Variants in DNMBP observed in about 807,000 individuals in gnomAD.
The protein encoded by DNMBP is dynamin-binding protein.
DNMBP carries 87 observed loss-of-function variants against 150.0 expected under a neutral mutation model. The observed-to-expected ratio is 0.58, with a 90% CI of 0.49 to 0.69. DNMBP has a LOEUF of 0.69. Among genes scored for constraint, DNMBP ranks in the 30% least tolerant of loss-of-function variants. DNMBP has a pLI of 0.00. For synonymous variants in DNMBP, 711 were observed against 750.4 expected (o/e 0.95, Z 0.86); for missense variants, 1,774 against 1,949.0 (o/e 0.91, Z 1.69).
intron 12 of DNMBP, 37 bp downstream of exon 12, chr10:99,888,788 G>C (rs1300568636): frequency 6.2e-7 from 1 of 1,612,336 alleles, no homozygotes; most frequent in Non-Finnish European, 8.5e-7. Context: ...AGATGACCCT[G>C]GGAAGGGGGC....
At chr10:100,001,413 G>GTTTTTTTTTTT (rs531398004) in intron 1 of DNMBP, among the ~76,000 whole-genome samples, 3 of 111,258 alleles carry the variant, frequency 2.7e-5, no homozygotes, top group African/African-American at 1.1e-4. Context: ...TGTTGTTGTT[G>GTTTTTTTTTTT]TTTTTTTTTT....
In DNMBP at chr10:99,880,216, G is replaced by A; in HGVS notation, c.4143C>T (p.Ser1381=). The stretch of plus-strand genomic sequence containing the variant: ...TGCTGCTGGGGTTGAAGGTCAGGGT[G>A]CTGCCGCTGTTCTGGCGTGGGAACC... ...SPRFPRQNSG[S]TLTFNPSSMA... is the part of the protein sequence containing the mutation. The change falls in exon 16 of 17, where the codon AGC becomes AGT. Residue 1381 remains serine (S), a synonymous_variant. Coordinates refer to ENST00000324109, the MANE Select transcript of DNMBP (RefSeq NM_015221.4). The A allele has an allele frequency of 6.2e-7, 1 of 1,614,182 alleles. No homozygotes were observed. The highest frequency in any genetic ancestry group is 1.3e-5 in the African/African-American group (1 of 75,050).
At chr10:99,950,246 G>C (rs554470617) in intron 4 of DNMBP, among the ~76,000 whole-genome samples, 2 of 152,322 alleles carry the variant, frequency 1.3e-5, no homozygotes, top group Non-Finnish European at 2.9e-5. Flanking sequence ...CTTCCACCAT[G>C]ATTGTGAGGC....
chr10:99,975,002 C>G (rs1589446153), intron 1 of DNMBP, among the ~76,000 whole-genome samples: 1 of 152,184 alleles, frequency 6.6e-6, no homozygotes, highest in South Asian at 2.1e-4. Context: ...TCCTGGGCCA[C>G]CCACCTTGGC....
intron 3 of DNMBP, among the ~76,000 whole-genome samples, chr10:99,958,842 T>C (rs2040528914): frequency 6.6e-6 from 1 of 152,242 alleles, no homozygotes; most frequent in Admixed American, 6.5e-5. Context: ...TGAATTTTAG[T>C]GTAATATTAT....
At position 99,903,320 on chromosome 10, in the gene DNMBP, G is replaced by A. The variant is rs77686971; in HGVS notation, c.2555-3254C>T. On this transcript the variant is annotated intron_variant, in intron 6 of 16. Coordinates refer to ENST00000324109, the MANE Select transcript of DNMBP (RefSeq NM_015221.4). ...GGGCTGGCTCCTTTTTCATCTTCAC[G>A]GCCACTTTTTTTTTGTTTTGTTTTT... 1.2e-3 allele frequency among the ~76,000 whole-genome samples: 186 copies of A among 151,604 alleles called. 1 individual carries two copies. The highest frequency in any genetic ancestry group is 4.3e-3 in the African/African-American group (178 of 41,324).
At chr10:99,973,940 C>T (rs1187415000) in intron 1 of DNMBP, among the ~76,000 whole-genome samples, 2 of 152,094 alleles carry the variant, frequency 1.3e-5, no homozygotes, top group African/African-American at 2.4e-5. Context: ...GAGATCATGC[C>T]ATTCATTGCA....
intron 1 of DNMBP, among the ~76,000 whole-genome samples, chr10:99,983,981 A>AT (rs1013707150): frequency 6.6e-6 from 1 of 151,940 alleles, no homozygotes; most frequent in African/African-American, 2.4e-5. Flanking sequence ...ACTTCTATAA[A>AT]TTTTTTTTGT....
At chr10:99,886,009 TTC>T in intron 13 of DNMBP, 143 bp from the exon 14 acceptor site, 1 of 872,064 alleles carries the variant, frequency 1.1e-6, no homozygotes, top group Non-Finnish European at 1.7e-6. Flanking sequence ...CTGCAGCTCA[TTC>T]TCTGAGCTAC....
At chr10:99,912,478 C>A (rs1447720582) in intron 4 of DNMBP, among the ~76,000 whole-genome samples, 1 of 152,108 alleles carries the variant, frequency 6.6e-6, no homozygotes, top group Admixed American at 6.6e-5. Context: ...AGCGTGCCTT[C>A]CCCTGTGCCC....
chr10:99,882,407 CAGGG>C (rs2039382499), intron 15 of DNMBP, among the ~76,000 whole-genome samples: 1 of 152,130 alleles, frequency 6.6e-6, no homozygotes, highest in African/African-American at 2.4e-5. Flanking sequence ...CTGGGCAACA[CAGGG>C]AGACTGTCTC....
intron 4 of DNMBP, among the ~76,000 whole-genome samples, chr10:99,954,983 G>A (rs559888558): frequency 1.3e-5 from 2 of 151,506 alleles, no homozygotes; most frequent in South Asian, 4.2e-4. Flanking sequence ...AGCCCAGGAG[G>A]TGGAGGCTGC....
intron 4 of DNMBP, among the ~76,000 whole-genome samples, chr10:99,943,380 T>G (rs1461618213): frequency 1.3e-5 from 2 of 150,998 alleles, no homozygotes; most frequent in South Asian, 2.1e-4. Context: ...GTGTGTGGTT[T>G]TTTGTTTGTT....
intron 4 of DNMBP, among the ~76,000 whole-genome samples, chr10:99,935,845 G>A (rs1229165352): frequency 4.6e-5 from 7 of 152,282 alleles, no homozygotes; most frequent in South Asian, 2.1e-4. Context: ...GATTGCAGGC[G>A]TGAGCCACCG....
chr10:99,922,566 G>C (rs926320330), intron 4 of DNMBP, among the ~76,000 whole-genome samples: 3 of 135,542 alleles, frequency 2.2e-5, no homozygotes, highest in Non-Finnish European at 3.0e-5. Context: ...GCCCAGGCTG[G>C]AGTGCAGTGG....
chr10:99,898,655 AAAGG>A lies in DNMBP; in HGVS notation c.2720+84_2720+87del, dbSNP rs530404846. 1,616 of 1,433,358 alleles carry A rather than the reference AAAGG, an allele frequency of 1.1e-3. 1 individual carries two copies. Among genetic ancestry groups the A allele is most frequent in the Non-Finnish European group, 1.5e-3 (1,512 of 1,023,834 alleles). The allele number at this position is 1,433,358 out of a possible 1,614,324, so 88.8% of individuals were successfully genotyped here. ...TGAGTCTACTTCTAGGTTTGTCTAT[AAAGG>A]AAGAAAATACAGTTGCTTAAGAGTT... On this transcript the variant is annotated intron_variant, in intron 8 of 16. Transcript: ENST00000324109.
intron 14 of DNMBP, 52 bp from the exon 15 acceptor site, chr10:99,884,261 C>T (rs1169412025): frequency 6.6e-7 from 1 of 1,504,228 alleles, no homozygotes. Context: ...ACCCCAGCAG[C>T]CATATTTCAT....
Position 99,885,717 on chromosome 10 carries a change from G to A in DNMBP, c.3768C>T (p.Arg1256=), listed in dbSNP as rs780077817. 9 of 1,582,188 alleles carry A rather than the reference G, an allele frequency of 5.7e-6. No individual in the cohort carries two copies. In the Admixed American group the frequency reaches 7.2e-5, roughly 13 times the overall value. Reference sequence around the variant, plus strand: ...CCAGGAGTGGCTTTCGAGCAGACTGGCGGTCAATGGTTTTCCTCTCAAATG... The same window carrying A: ...CCAGGAGTGGCTTTCGAGCAGACTGACGGTCAATGGTTTTCCTCTCAAATG... ...KKPFERKTID[R]QSARKPLLGL... is the part of the protein sequence containing the mutation. The change falls in exon 14 of 17, where the codon CGC becomes CGT. Residue 1256 remains arginine (R), a synonymous_variant. Transcript: ENST00000324109.
intron 1 of DNMBP, among the ~76,000 whole-genome samples, chr10:99,976,134 A>G (rs562840747): frequency 2.0e-5 from 3 of 152,380 alleles, no homozygotes; most frequent in Admixed American, 6.5e-5. Context: ...TAGCTGCTCA[A>G]TAAACATTAG....
Sources: allele counts gnomAD v4.1 joint callset (sites outside exome capture counted in the v4.1 genomes callset), GRCh38; gene constraint gnomAD v4.1.1; transcripts MANE v1.5; gene names NCBI Gene and HGNC (gene_info 2026-07-23, HGNC 2026-07-21).